F8: variants seen among roughly 807,000 people sequenced by gnomAD.
F8 encodes the protein antihemophilic factor.
F8 carries 12 observed loss-of-function variants against 140.6 expected under a neutral mutation model. The ratio of observed to expected loss-of-function variants is 0.09; its 90% confidence interval spans 0.05 to 0.14. The LOEUF (loss-of-function observed/expected upper bound fraction) is 0.14, where lower values mean the gene tolerates loss of function less well. F8 is among the 10% of genes least tolerant of loss of function. The pLI, the probability that F8 is intolerant of heterozygous loss-of-function variation, is 1.00. For synonymous variants in F8, 585 were observed against 614.6 expected (o/e 0.95, Z 0.71); for missense variants, 1,354 against 1,720.7 (o/e 0.79, Z 3.77).
chrX:155,003,550 T>G (rs1557285837), intron 1 of F8, among the ~76,000 whole-genome samples: 1 of 110,724 alleles, frequency 9.0e-6, no homozygotes, highest in Non-Finnish European at 1.9e-5. Context: ...AGAAGAAGAA[T>G]GCAGAAATGA....
intron 12 of F8, among the ~76,000 whole-genome samples, chrX:154,950,970 C>T (rs28406257): frequency 0.01 from 1,143 of 112,035 alleles, 15 homozygotes; most frequent in African/African-American, 0.035. Context: ...GCTTCTTGTA[C>T]GTGGATATTT....
chrX:154,937,371 G>A (rs2073230295), intron 13 of F8, among the ~76,000 whole-genome samples: 2 of 109,895 alleles, frequency 1.8e-5, no homozygotes, highest in Non-Finnish European at 3.8e-5. Flanking sequence ...TATAACAAAG[G>A]CGACAAACTT....
rs200792806 is a variant in F8 at position 154,863,243 on chromosome X, A to T, written c.6430-16T>A. The T allele has an allele frequency of 8.3e-7, 1 of 1,202,002 alleles. No individual in the cohort carries two copies. The highest frequency in any genetic ancestry group is 1.1e-6 in the Non-Finnish European group (1 of 886,293). ...CAAAGAAGACCTGTATGGAGAGATTAGCACAAATACATGGAAAGTGAATAC... is the reference window on the plus strand; with the variant it reads ...CAAAGAAGACCTGTATGGAGAGATTTGCACAAATACATGGAAAGTGAATAC... On this transcript the variant is annotated splice_polypyrimidine_tract_variant and intron_variant, in intron 22 of 25. Coordinates refer to ENST00000360256, the MANE Select transcript of F8 (RefSeq NM_000132.4).
chrX:155,011,668 T>C (rs782583999), intron 1 of F8, among the ~76,000 whole-genome samples: 76 of 112,601 alleles, frequency 6.7e-4, no homozygotes, highest in Middle Eastern at 9.2e-3. Flanking sequence ...CATCAACAGA[T>C]GAATGGATAA....
chrX:154,926,436 G>A (rs1448393382), intron 14 of F8, among the ~76,000 whole-genome samples: 1 of 111,770 alleles, frequency 8.9e-6, no homozygotes, highest in Non-Finnish European at 1.9e-5. Context: ...AGTGCAGTGA[G>A]GCCATCTCAG....
At chrX:154,963,199 A>G (rs1007239140) in intron 9 of F8, among the ~76,000 whole-genome samples, 1 of 111,483 alleles carries the variant, frequency 9.0e-6, no homozygotes, top group Non-Finnish European at 1.9e-5. Context: ...CTTTGAAGCA[A>G]TTGTGAATGG....
At chrX:155,018,054 C>A (rs1268280714) in intron 1 of F8, among the ~76,000 whole-genome samples, 2 of 104,304 alleles carry the variant, frequency 1.9e-5, no homozygotes, top group Non-Finnish European at 3.9e-5. Context: ...TTTTGGTAGA[C>A]ACGGAGTTTT....
intron 13 of F8, among the ~76,000 whole-genome samples, chrX:154,931,888 G>C (rs1361734013): frequency 8.9e-6 from 1 of 112,176 alleles, no homozygotes; most frequent in Non-Finnish European, 1.9e-5. Context: ...CCATAAGAAA[G>C]GACTGTGATA....
chrX:155,004,004 C>G (rs868939942), intron 1 of F8, among the ~76,000 whole-genome samples: 1 of 84,110 alleles, frequency 1.2e-5, no homozygotes, highest in Non-Finnish European at 2.4e-5. Context: ...AACGAGCAAA[C>G]AAATAAAAAA....
chrX:154,982,265 A>G (rs782064730), intron 6 of F8, among the ~76,000 whole-genome samples: 38 of 106,175 alleles, frequency 3.6e-4, no homozygotes, highest in East Asian at 2.4e-3. Context: ...GGCTAACACA[A>G]TGAAACCCCG....
intron 14 of F8, among the ~76,000 whole-genome samples, chrX:154,920,761 T>C (rs1439461075): frequency 4.5e-5 from 5 of 112,237 alleles, no homozygotes; most frequent in African/African-American, 1.6e-4. Flanking sequence ...GCCTATTTTA[T>C]GTTTTTGATG....
intron 1 of F8, among the ~76,000 whole-genome samples, chrX:155,019,953 A>C (rs1557287354): frequency 8.9e-6 from 1 of 112,452 alleles, no homozygotes; most frequent in Admixed American, 9.4e-5. Context: ...TAAATTTATT[A>C]CATTAATAAA....
At chrX:154,983,190 G>A (rs782546222) in intron 6 of F8, among the ~76,000 whole-genome samples, 93 of 112,028 alleles carry the variant, frequency 8.3e-4, no homozygotes, top group Non-Finnish European at 1.5e-3. Flanking sequence ...TTATGAGCAC[G>A]TTTTGTTATG....
At chrX:154,910,558 TATA>T (rs1206867657) in intron 14 of F8, among the ~76,000 whole-genome samples, 1 of 111,355 alleles carries the variant, frequency 9.0e-6, no homozygotes, top group African/African-American at 3.3e-5. Flanking sequence ...GAACTTAAAG[TATA>T]ATAATAATAA....
rs782697670 is a variant in F8 at position 154,837,647 on chromosome X, T to C, written c.7006A>G (p.Ile2336Val). Residue 2336 changes from isoleucine (I) to valine (V), a missense_variant, in exon 26 of 26, where the codon ATT becomes GTT. By Grantham distance (29) the Ile-to-Val change is conservative. Transcript: ENST00000360256. Reference protein sequence around the residue: ...RIHPQSWVHQIALRMEVLGCE... With the variant: ...RIHPQSWVHQVALRMEVLGCE... ...CCCAGAACCTCCATCCTCAGGGCAA[T>C]CTGGTGCACCCAACTCTGGGGGTGA... The C allele has an allele frequency of 3.2e-5, 39 of 1,208,107 alleles. No homozygotes were observed. The highest frequency in any genetic ancestry group is 1.1e-6 in the Non-Finnish European group (1 of 894,368).
chrX:155,001,643 G>A (rs1272365400), intron 1 of F8, among the ~76,000 whole-genome samples: 1 of 111,456 alleles, frequency 9.0e-6, no homozygotes, highest in Non-Finnish European at 1.9e-5. Flanking sequence ...GCCAGGTGTG[G>A]TGGCACACAC....
intron 19 of F8, 140 bp from the exon 20 acceptor site, chrX:154,901,582 T>C: frequency 1.8e-6 from 1 of 548,791 alleles, no homozygotes; most frequent in Non-Finnish European, 3.3e-6. Flanking sequence ...CTCAACGTTT[T>C]ACTGTATTAG....
intron 14 of F8, among the ~76,000 whole-genome samples, chrX:154,920,368 C>T (rs1157448231): frequency 9.0e-6 from 1 of 111,254 alleles, no homozygotes; most frequent in Non-Finnish European, 1.9e-5. Flanking sequence ...GAGGCTTACA[C>T]AAAATTAGCA....
chrX:154,907,361 G>A (rs372874488), intron 14 of F8, among the ~76,000 whole-genome samples: 1 of 111,311 alleles, frequency 9.0e-6, no homozygotes, highest in African/African-American at 3.3e-5. Flanking sequence ...CCCTAATCAC[G>A]GACATTTGAG....
Sources: gnomAD v4.1 joint callset for allele counts (sites outside exome capture counted in the v4.1 genomes callset) on GRCh38, gnomAD v4.1.1 for gene constraint, MANE v1.5 for transcripts, NCBI Gene and HGNC (gene_info 2026-07-23, HGNC 2026-07-21) for gene names.